The following CRACD variants were observed in gnomAD, a reference collection of about 807,000 sequenced individuals.
CRACD encodes capping protein-inhibiting regulator of actin dynamics.
Under a neutral mutation model 106.8 loss-of-function variants are expected in CRACD, and 56 were observed. The ratio of observed to expected loss-of-function variants is 0.52; its 90% CI spans 0.42 to 0.66. The LOEUF is 0.66. CRACD is among the 30% of genes least tolerant of loss of function. The pLI is 0.00. For missense variants in CRACD, 1,730 were observed against 1,623.2 expected (o/e 1.07, Z -1.13); for synonymous variants, 754 against 670.8 (o/e 1.12, Z -1.92).
chr4:56,314,605 G>A lies in CRACD; in HGVS notation c.1103G>A (p.Gly368Glu). 3.9e-6 allele frequency: 6 copies of A among 1,530,736 alleles called. No individual in the cohort carries two copies. Among genetic ancestry groups the A allele is most frequent in the Non-Finnish European group, 5.3e-6 (6 of 1,138,316 alleles). 94.8% of individuals were successfully genotyped at this position (1,530,736 alleles called of 1,614,324 possible). A position where few individuals can be genotyped will look rare whatever the true frequency, so the allele number is the denominator to read the frequency against. Reference sequence around the variant, plus strand: ...AGGCAGGAGGAGGAGGAGGCTGAGGGATGGGAAGAGCTGGAACAGCAGGAG... The same window carrying A: ...AGGCAGGAGGAGGAGGAGGCTGAGGAATGGGAAGAGCTGGAACAGCAGGAG... ...LKRQEEEEAEGWEELEQQEAE... is the reference protein window; with the variant it reads ...LKRQEEEEAEEWEELEQQEAE... The change falls in exon 8 of 11, where the codon GGA becomes GAA. Residue 368 changes from glycine (G) to glutamate (E), a missense_variant. Physicochemically the swap from Gly to Glu is moderately conservative, Grantham distance 98. This residue lies in a region of CRACD where 1,620 missense variants were observed against 1,481.6 expected (regional missense o/e 1.09). Transcript: ENST00000682029. This position sits in a 1 kb window ranked among gnomAD's most constrained non-coding sequence, Gnocchi z 4.4.
rs145516163 is a variant in CRACD at position 56,239,892 on chromosome 4, A to G, written c.-188-32429A>G. ...CAGACTTCTAGAATATGCACACTTT[A>G]GACAGTACAGATGAACATCTGTTCT... On this transcript the variant is annotated intron_variant, in intron 2 of 10. Coordinates refer to ENST00000682029, the MANE Select transcript of CRACD (RefSeq NM_001393381.1). 4.7e-3 allele frequency among the ~76,000 whole-genome samples: 710 copies of G among 152,268 alleles called. 9 individuals are homozygous for G. Among genetic ancestry groups the G allele is most frequent in the African/African-American group, 0.016 (676 of 41,548 alleles).
intron 1 of CRACD, among the ~76,000 whole-genome samples, chr4:56,064,375 A>C (rs1732387863): frequency 6.6e-6 from 1 of 152,214 alleles, no homozygotes; most frequent in African/African-American, 2.4e-5. Context: ...GATTAATGTA[A>C]AAAGCAAGCA....
At chr4:56,059,555 C>T (rs1008300633) in intron 1 of CRACD, among the ~76,000 whole-genome samples, 3 of 152,224 alleles carry the variant, frequency 2.0e-5, no homozygotes, top group African/African-American at 7.2e-5. Flanking sequence ...CTCGTGTCAA[C>T]CAACCTGTAC....
At chr4:56,168,045 T>C (rs754308669) in intron 1 of CRACD, among the ~76,000 whole-genome samples, 14 of 152,214 alleles carry the variant, frequency 9.2e-5, no homozygotes, top group Non-Finnish European at 1.6e-4. Flanking sequence ...TTCCAATCTG[T>C]ATCACTTTTA....
chr4:56,071,510 C>CTTT (rs5858361), intron 1 of CRACD, among the ~76,000 whole-genome samples: 8 of 142,180 alleles, frequency 5.6e-5, no homozygotes, highest in African/African-American at 1.8e-4. Context: ...TCTTTCTTTT[C>CTTT]TTTTTTTTTT....
chr4:56,283,564 A>G (rs1467927523), intron 3 of CRACD, among the ~76,000 whole-genome samples: 1 of 151,958 alleles, frequency 6.6e-6, no homozygotes, highest in Non-Finnish European at 1.5e-5. Context: ...CTGGCCAATC[A>G]CATGTTCTCC....
At chr4:56,059,524 G>A (rs1339824419) in intron 1 of CRACD, among the ~76,000 whole-genome samples, 4 of 152,152 alleles carry the variant, frequency 2.6e-5, no homozygotes, top group Admixed American at 2.0e-4. Context: ...CACCCAGCCA[G>A]TCATGATAAA....
chr4:56,234,036 C>T (rs1250925597), intron 2 of CRACD, among the ~76,000 whole-genome samples: 1 of 151,772 alleles, frequency 6.6e-6, no homozygotes, highest in African/African-American at 2.4e-5. Flanking sequence ...ATGTATCCTG[C>T]AATCTTTCTG....
At chr4:56,258,087 A>C (rs978981682) in intron 2 of CRACD, among the ~76,000 whole-genome samples, 2 of 151,268 alleles carry the variant, frequency 1.3e-5, no homozygotes, top group African/African-American at 4.9e-5. Context: ...AAACAAAAAA[A>C]AAAAAGAAAA....
intron 4 of CRACD, among the ~76,000 whole-genome samples, chr4:56,306,650 C>A (rs923801451): frequency 1.3e-5 from 2 of 152,230 alleles, no homozygotes; most frequent in African/African-American, 4.8e-5. Context: ...AATTTTACCC[C>A]CCAGGGGACT....
intron 1 of CRACD, among the ~76,000 whole-genome samples, chr4:56,157,385 T>C (rs763015475): frequency 1.3e-5 from 2 of 152,136 alleles, no homozygotes; most frequent in Non-Finnish European, 2.9e-5. Flanking sequence ...CTTCGTATGA[T>C]TTTGGATCCA....
chr4:56,154,913 C>T (rs148371031), intron 1 of CRACD, among the ~76,000 whole-genome samples: 4 of 152,232 alleles, frequency 2.6e-5, no homozygotes, highest in Admixed American at 6.5e-5. Context: ...ATATTTTAGA[C>T]CAGTTCACAT....
intron 1 of CRACD, among the ~76,000 whole-genome samples, chr4:56,056,853 C>T (rs1267318010): frequency 6.6e-6 from 1 of 152,042 alleles, no homozygotes; most frequent in Admixed American, 6.6e-5. Context: ...CAGGTGGATC[C>T]CTTGAGCCCA....
intron 1 of CRACD, among the ~76,000 whole-genome samples, chr4:56,096,220 G>A (rs767396325): frequency 2.6e-5 from 4 of 152,172 alleles, no homozygotes; most frequent in Non-Finnish European, 5.9e-5. Context: ...TCAGTATATA[G>A]TTGATATTTA....
intron 3 of CRACD, among the ~76,000 whole-genome samples, chr4:56,285,181 A>G (rs375630065): frequency 6.6e-6 from 1 of 152,160 alleles, no homozygotes. Flanking sequence ...CTCACTCACT[A>G]TCACAAGAAC....
chr4:56,301,258 G>A, intron 4 of CRACD: 2 of 1,284,026 alleles, frequency 1.6e-6, no homozygotes, highest in Non-Finnish European at 2.0e-6. Context: ...GTAAGTCGTA[G>A]AAGTGATAGT....
In CRACD at chr4:56,315,104, C is replaced by T; in HGVS notation, c.1602C>T (p.Pro534=). The T allele has an allele frequency of 6.2e-7, 1 of 1,611,296 alleles. No individual in the cohort carries two copies. Among genetic ancestry groups the T allele is most frequent in the Admixed American group, 1.7e-5 (1 of 59,730 alleles). ...WQEVDERQTM[P]RPYTFQVSSG... ...AGGTGGACGAGAGACAGACCATGCCCCGGCCCTACACGTTCCAGGTGTCCT... is the reference window on the plus strand; with the variant it reads ...AGGTGGACGAGAGACAGACCATGCCTCGGCCCTACACGTTCCAGGTGTCCT... The change falls in exon 8 of 11, where the codon CCC becomes CCT. Residue 534 remains proline (P), a synonymous_variant. Coordinates refer to ENST00000682029, the MANE Select transcript of CRACD (RefSeq NM_001393381.1). The surrounding 1 kb of genome is among the most constrained non-coding windows in gnomAD (Gnocchi z 4.1).
rs1006631138 is a variant in CRACD, at chr4:56,148,446, A to G, written c.-335-30838A>G. Among the ~76,000 whole-genome samples the G allele has an allele frequency of 3.9e-5, 6 of 152,218 alleles. No homozygotes were observed. The South Asian group carries it at 1.2e-3, about 32-fold the overall frequency. On this transcript the variant is annotated intron_variant, in intron 1 of 10. Transcript: ENST00000682029. Reference sequence around the variant, plus strand: ...GCTGGGACTACAGGTGTGTATCGCCATGCCTGGCTAATTTTATTTTTAATT... The same window carrying G: ...GCTGGGACTACAGGTGTGTATCGCCGTGCCTGGCTAATTTTATTTTTAATT...
chr4:56,235,643 C>T (rs1739924229), intron 2 of CRACD, among the ~76,000 whole-genome samples: 1 of 152,090 alleles, frequency 6.6e-6, no homozygotes, highest in Non-Finnish European at 1.5e-5. Flanking sequence ...TGATCATGTC[C>T]AGATTAGTGT....
Sources: allele counts gnomAD v4.1 joint callset (sites outside exome capture counted in the v4.1 genomes callset), GRCh38; gene constraint gnomAD v4.1.1; regional missense constraint gnomAD v4.1.1; non-coding constraint Gnocchi (gnomAD v3.1); transcripts MANE v1.5; gene names NCBI Gene and HGNC (gene_info 2026-07-23, HGNC 2026-07-21).